Variants in CLPTM1L observed in about 807,000 individuals in gnomAD.
CLPTM1L encodes lipid scramblase CLPTM1L.
CLPTM1L carries 38 observed loss-of-function variants against 70.9 expected under a neutral mutation model. That is an observed-to-expected ratio of 0.54 (90% CI 0.41 to 0.70). The LOEUF (loss-of-function observed/expected upper bound fraction) is 0.70, where lower values mean the gene tolerates loss of function less well. Ranked by LOEUF, CLPTM1L falls within the 30% of genes least tolerant of loss-of-function variation. CLPTM1L has a pLI of 0.00. For missense variants in CLPTM1L, 652 were observed against 705.9 expected (o/e 0.92, Z 0.87); for synonymous variants, 339 against 299.9 (o/e 1.13, Z -1.35).
chr5:1,343,837 TA>T (rs1196587884), intron 2 of CLPTM1L, among the ~76,000 whole-genome samples: 1 of 152,132 alleles, frequency 6.6e-6, no homozygotes, highest in African/African-American at 2.4e-5. Flanking sequence ...CTTATTCAAT[TA>T]AAAAAAATTA....
intron 5 of CLPTM1L, among the ~76,000 whole-genome samples, chr5:1,335,689 G>A (rs755551034): frequency 6.6e-6 from 1 of 152,266 alleles, no homozygotes; most frequent in Non-Finnish European, 1.5e-5. Context: ...GGAACGCAAA[G>A]CTAGCAGGGG....
In CLPTM1L at chr5:1,343,281, C is replaced by CCAGGA. The variant is rs201491953; in HGVS notation, c.263+1065_263+1069dup. On this transcript the variant is annotated intron_variant, in intron 2 of 16. Transcript: ENST00000320895. The stretch of plus-strand genomic sequence containing the variant: ...CTACCCAGGAAAGAGTATGTCTCCA[C>CCAGGA]CAGGACATCTTAAGTGTCTCTCTTC... 7.5e-3 allele frequency among the ~76,000 whole-genome samples: 1,136 copies of CCAGGA among 152,248 alleles called. 8 individuals are homozygous for CCAGGA. The highest frequency in any genetic ancestry group is 0.011 in the Non-Finnish European group (781 of 68,026).
chr5:1,343,604 A>G (rs1216943874), intron 2 of CLPTM1L, among the ~76,000 whole-genome samples: 5 of 152,330 alleles, frequency 3.3e-5, no homozygotes, highest in Admixed American at 6.5e-5. Flanking sequence ...CCTCCCCTTC[A>G]TGGAGGCAGA....
chr5:1,339,079 A>G (rs1292056311), intron 3 of CLPTM1L, 74 bp from the exon 4 acceptor site: 2 of 1,520,568 alleles, frequency 1.3e-6, no homozygotes, highest in African/African-American at 2.7e-5. Flanking sequence ...CAGCCCCCTA[A>G]CCTGCGAACA....
chr5:1,343,511 C>G (rs1242322675), intron 2 of CLPTM1L, among the ~76,000 whole-genome samples: 1 of 152,220 alleles, frequency 6.6e-6, no homozygotes, highest in Non-Finnish European at 1.5e-5. Flanking sequence ...GGAAATTAAA[C>G]CCAGTGCAGA....
At position 1,318,568 on chromosome 5, in the gene CLPTM1L, A is replaced by G; in HGVS notation, c.1533-115T>C. 2.4e-6 allele frequency: 2 copies of G among 824,924 alleles called. No homozygotes were observed. Among genetic ancestry groups the G allele is most frequent in the Admixed American group, 4.8e-5 (2 of 41,888 alleles). 51.1% of individuals were successfully genotyped at this position (824,924 alleles called of 1,614,324 possible). On this transcript the variant is annotated intron_variant, in intron 16 of 16. Transcript: ENST00000320895. This position sits in a 1 kb window ranked among gnomAD's most constrained non-coding sequence, Gnocchi z 8.9. ...AGTGAGCTGCCACAGTGAGCAAATT[A>G]ACTAAAAAGTCGAATCCTCAGAAGT...
intron 3 of CLPTM1L, among the ~76,000 whole-genome samples, chr5:1,340,216 G>A (rs1050988952): frequency 1.1e-4 from 16 of 152,228 alleles, no homozygotes; most frequent in African/African-American, 3.9e-4. Flanking sequence ...AGAGCCCCCT[G>A]ACCTTGGCAG....
chr5:1,342,566 C>T lies in CLPTM1L; in HGVS notation c.264-706G>A, dbSNP rs1430134784. Among the ~76,000 whole-genome samples, 2 of 152,222 alleles carry T rather than the reference C, an allele frequency of 1.3e-5. No homozygotes were observed. ...AAAAACCTCGCATTCCACCTGTTTA[C>T]GGTTACATGAGTTCTTCTTCCTCTT... On this transcript the variant is annotated intron_variant, in intron 2 of 16. Transcript: ENST00000320895. The surrounding 1 kb of genome is among the most constrained non-coding windows in gnomAD (Gnocchi z 4.3).
chr5:1,327,211 CCTCCTCTACAGACACATTTCATCCAG>C (rs1179715564), intron 9 of CLPTM1L, among the ~76,000 whole-genome samples: 15 of 150,446 alleles, frequency 1.0e-4, no homozygotes, highest in Non-Finnish European at 1.9e-4. Flanking sequence ...CCATCCAGCT[CCTCCTCTACAGACACATTTCATCCAG>C]CTCCTCCTCG....
Position 1,321,647 on chromosome 5 carries a change from G to A in CLPTM1L, c.1404C>T (p.Ala468=), listed in dbSNP as rs762537091. The stretch of plus-strand genomic sequence containing the variant: ...CTGTCACACTCACCTTGTAGGTGAA[G>A]GCCTTCCAGGGCAGATGTGCCACTG... ...LKSVAHLPWK[A]FTYKAFNTFI... Residue 468 remains alanine (A), a synonymous_variant, in exon 15 of 17, where the codon GCC becomes GCT. Transcript: ENST00000320895. 8 of 1,613,794 alleles carry A rather than the reference G, an allele frequency of 5.0e-6. No homozygotes were observed. The Admixed American group carries it at 1.2e-4, about 24-fold the overall frequency.
chr5:1,338,988 CT>C lies in CLPTM1L; in HGVS notation c.470del (p.Lys157ArgfsTer20). ...GCTCATCCAGGGCACTCGTCGGCTTCTTCTCCGCCTCGATCTGCTGTTAAGT... is the reference window on the plus strand; with the variant it reads ...GCTCATCCAGGGCACTCGTCGGCTTCTCTCCGCCTCGATCTGCTGTTAAGT... ...ESDTQQIEAEKKPTSALDEPV... is the reference protein window; with the variant it reads ...ESDTQQIEAEXKPTSALDEPV... On this transcript the variant is annotated frameshift_variant, in exon 4 of 17. Transcript: ENST00000320895. LOFTEE classifies it high-confidence loss of function. 1 of 1,613,158 alleles carries C rather than the reference CT, an allele frequency of 6.2e-7. No homozygotes were observed. Among genetic ancestry groups the C allele is most frequent in the African/African-American group, 1.3e-5 (1 of 75,080 alleles).
Position 1,321,644 on chromosome 5 carries a change from G to A in CLPTM1L, c.1407C>T (p.Phe469=). The A allele has an allele frequency of 6.2e-7, 1 of 1,613,882 alleles. No individual in the cohort carries two copies. Residue 469 remains phenylalanine (F), a synonymous_variant, in exon 15 of 17, where the codon TTC becomes TTT. Coordinates refer to ENST00000320895, the MANE Select transcript of CLPTM1L (RefSeq NM_030782.5). ...CGGCTGTCACACTCACCTTGTAGGT[G>A]AAGGCCTTCCAGGGCAGATGTGCCA... ...KSVAHLPWKA[F]TYKAFNTFID... is the part of the protein sequence containing the mutation.
At chr5:1,331,993 T>A (rs188618906) in intron 7 of CLPTM1L, 110 bp from the exon 8 acceptor site, 4 of 808,900 alleles carry the variant, frequency 4.9e-6, no homozygotes, top group Non-Finnish European at 8.2e-6. Context: ...GTACTCAGCC[T>A]CAGGATGCAT....
intron 10 of CLPTM1L, 129 bp from the exon 11 acceptor site, chr5:1,324,942 TC>T (rs1414981242): frequency 6.3e-6 from 5 of 795,472 alleles, no homozygotes; most frequent in Non-Finnish European, 1.1e-5. Context: ...GGCGCTCAGG[TC>T]CCTACCAGGC....
chr5:1,341,687 C>T lies in CLPTM1L; in HGVS notation c.437G>A (p.Gly146Glu). 1 of 1,609,490 alleles carries T rather than the reference C, an allele frequency of 6.2e-7. No individual in the cohort carries two copies. The highest frequency in any genetic ancestry group is 8.5e-7 in the Non-Finnish European group (1 of 1,176,360). Residue 146 changes from glycine to glutamate, a missense_variant, in exon 3 of 17, where the codon GGG becomes GAG. Coordinates refer to ENST00000320895, the MANE Select transcript of CLPTM1L (RefSeq NM_030782.5). ...PKPEEINLLT[G>E]ESDTQQIEAE... Reference sequence around the variant, plus strand: ...GACCCTCACCTGTGTATCAGACTCCCCGGTGAGCAGGTTGATTTCTTCTGG... The same window carrying T: ...GACCCTCACCTGTGTATCAGACTCCTCGGTGAGCAGGTTGATTTCTTCTGG...
intron 9 of CLPTM1L, among the ~76,000 whole-genome samples, chr5:1,329,201 C>T (rs375792526): frequency 2.0e-5 from 3 of 152,250 alleles, no homozygotes; most frequent in Non-Finnish European, 4.4e-5. Context: ...TCTTGCCCCA[C>T]GAGGCTCCCT....
intron 3 of CLPTM1L, among the ~76,000 whole-genome samples, chr5:1,341,277 C>T (rs1012221608): frequency 3.3e-5 from 5 of 152,162 alleles, no homozygotes; most frequent in Non-Finnish European, 7.4e-5. Context: ...TAGGAATAGC[C>T]CAGTCCTACA....
At chr5:1,341,592 GC>G in intron 3 of CLPTM1L, 78 bp downstream of exon 3, 1 of 1,276,568 alleles carries the variant, frequency 7.8e-7, no homozygotes, top group South Asian at 1.5e-5. Context: ...CCTAGACATC[GC>G]CCACCTGTGT....
At chr5:1,332,524 C>T (rs1229302988) in intron 7 of CLPTM1L, among the ~76,000 whole-genome samples, 3 of 152,246 alleles carry the variant, frequency 2.0e-5, no homozygotes, top group Non-Finnish European at 2.9e-5. Flanking sequence ...GTGCCGGCCG[C>T]ACTCCTGGGT....
Sources: allele counts gnomAD v4.1 joint callset (sites outside exome capture counted in the v4.1 genomes callset), GRCh38; gene constraint gnomAD v4.1.1; non-coding constraint Gnocchi (gnomAD v3.1); transcripts MANE v1.5; gene names NCBI Gene and HGNC (gene_info 2026-07-23, HGNC 2026-07-21).